SH3GL3: variants seen among roughly 807,000 people sequenced by gnomAD.
SH3GL3 encodes the protein SH3 domain containing GRB2 like 3, endophilin A3, also known as endophilin-A3.
In SH3GL3, 33 loss-of-function variants were observed where a neutral mutation model predicts 47.7. That is an observed-to-expected ratio of 0.69 (90% confidence interval 0.52 to 0.92). SH3GL3 has a LOEUF of 0.92. Ranked by LOEUF, SH3GL3 falls within the 40% of genes least tolerant of loss-of-function variation. SH3GL3 has a pLI of 0.00. For missense variants in SH3GL3, 363 were observed against 417.8 expected (o/e 0.87, Z 1.14); for synonymous variants, 155 against 148.8 (o/e 1.04, Z -0.30).
At chr15:83,499,772 C>T (rs920373903) in intron 1 of SH3GL3, among the ~76,000 whole-genome samples, 2 of 151,804 alleles carry the variant, frequency 1.3e-5, no homozygotes, top group African/African-American at 2.4e-5. Flanking sequence ...GTCACTGCAA[C>T]CTGAGTAAAG....
chr15:83,555,458 C>A (rs2044899362), intron 1 of SH3GL3, among the ~76,000 whole-genome samples: 1 of 152,040 alleles, frequency 6.6e-6, no homozygotes, highest in African/African-American at 2.4e-5. Context: ...TTAATTCCAA[C>A]TTCTTGTGCT....
At chr15:83,526,316 G>T (rs1174955693) in intron 1 of SH3GL3, among the ~76,000 whole-genome samples, 3 of 152,134 alleles carry the variant, frequency 2.0e-5, no homozygotes, top group African/African-American at 4.8e-5. Context: ...CATTACTGGG[G>T]TATATCCAGA....
chr15:83,601,253 G>A (rs989734417), intron 8 of SH3GL3, among the ~76,000 whole-genome samples: 1 of 152,222 alleles, frequency 6.6e-6, no homozygotes, highest in Non-Finnish European at 1.5e-5. Flanking sequence ...AGTGGTGAGA[G>A]TGGGCATCCT....
intron 1 of SH3GL3, among the ~76,000 whole-genome samples, chr15:83,529,554 A>G (rs2043573979): frequency 6.6e-6 from 1 of 152,024 alleles, no homozygotes; most frequent in Non-Finnish European, 1.5e-5. Flanking sequence ...GTACTCAGGC[A>G]CTCAAGTCAG....
intron 5 of SH3GL3, 36 bp from the exon 6 acceptor site, chr15:83,576,547 A>G (rs1228630712): frequency 7.1e-6 from 11 of 1,552,910 alleles, no homozygotes; most frequent in African/African-American, 1.4e-5. Flanking sequence ...TTTTGAATGT[A>G]GCACCTCTCT....
chr15:83,511,150 A>G (rs889084716), intron 1 of SH3GL3, among the ~76,000 whole-genome samples: 1 of 101,540 alleles, frequency 9.8e-6, no homozygotes, highest in African/African-American at 3.0e-5. Context: ...ATAATAATAA[A>G]AAAAAGAAAG....
intron 4 of SH3GL3, among the ~76,000 whole-genome samples, chr15:83,571,289 C>T (rs571633850): frequency 3.9e-5 from 6 of 152,074 alleles, no homozygotes; most frequent in Admixed American, 1.3e-4. Context: ...TCTGTCAAGG[C>T]GAAATGAGCT....
chr15:83,624,339 C>T, the SH3GL3 span, among the ~76,000 whole-genome samples: 2 of 152,288 alleles, frequency 1.3e-5, no homozygotes, highest in Admixed American at 1.3e-4. Context: ...GCAGGGCTAG[C>T]TACAGATCTG....
At chr15:83,574,523 A>G (rs2059623622) in intron 5 of SH3GL3, among the ~76,000 whole-genome samples, 1 of 151,796 alleles carries the variant, frequency 6.6e-6, no homozygotes, top group African/African-American at 2.4e-5. Context: ...TCCTGTTAAC[A>G]TTTACACACA....
chr15:83,559,561 A>G (rs1386667948), intron 2 of SH3GL3, among the ~76,000 whole-genome samples: 3 of 152,224 alleles, frequency 2.0e-5, no homozygotes, highest in Non-Finnish European at 2.9e-5. Flanking sequence ...GGTACCCTCT[A>G]GTGGCCAGAA....
intron 1 of SH3GL3, among the ~76,000 whole-genome samples, chr15:83,512,946 C>G (rs1438699097): frequency 6.6e-6 from 1 of 152,186 alleles, no homozygotes; most frequent in Non-Finnish European, 1.5e-5. Flanking sequence ...AACTTTAGAG[C>G]CATTTGAAAA....
At chr15:83,513,555 A>G (rs2042860435) in intron 1 of SH3GL3, among the ~76,000 whole-genome samples, 2 of 152,146 alleles carry the variant, frequency 1.3e-5, no homozygotes, top group African/African-American at 4.8e-5. Flanking sequence ...GCTTCAAGGC[A>G]TCATCCCTGC....
At chr15:83,617,051 T>A (rs1451138295) in intron 8 of SH3GL3, among the ~76,000 whole-genome samples, 2 of 152,244 alleles carry the variant, frequency 1.3e-5, no homozygotes, top group Non-Finnish European at 2.9e-5. Context: ...ATCTGGAATC[T>A]GAAAGCTAGC....
At chr15:83,512,959 A>G (rs2042829043) in intron 1 of SH3GL3, among the ~76,000 whole-genome samples, 1 of 152,214 alleles carries the variant, frequency 6.6e-6, no homozygotes, top group Admixed American at 6.5e-5. Context: ...TTTGAAAATA[A>G]TCTTTTGGAA....
chr15:83,575,004 T>G (rs771454506), intron 5 of SH3GL3, among the ~76,000 whole-genome samples: 2 of 152,246 alleles, frequency 1.3e-5, no homozygotes, highest in Non-Finnish European at 2.9e-5. Context: ...GTTTGTTCCT[T>G]GTAGTCACAA....
At chr15:83,504,571 C>G (rs2042418237) in intron 1 of SH3GL3, among the ~76,000 whole-genome samples, 1 of 152,250 alleles carries the variant, frequency 6.6e-6, no homozygotes, top group Non-Finnish European at 1.5e-5. Flanking sequence ...GACACTCAGG[C>G]AGCCCTGTGG....
chr15:83,552,227 T>A (rs1015069229), intron 1 of SH3GL3, among the ~76,000 whole-genome samples: 2 of 152,228 alleles, frequency 1.3e-5, no homozygotes, highest in Non-Finnish European at 2.9e-5. Flanking sequence ...AGAAATTAGA[T>A]TGAATGACGT....
chr15:83,478,201 G>A (rs886240609), intron 1 of SH3GL3, among the ~76,000 whole-genome samples: 4 of 152,176 alleles, frequency 2.6e-5, no homozygotes, highest in African/African-American at 9.7e-5. Context: ...ACCTACGGGA[G>A]GGCAACTGTT....
At chr15:83,506,287 T>C (rs1480202038) in intron 1 of SH3GL3, among the ~76,000 whole-genome samples, 3 of 152,248 alleles carry the variant, frequency 2.0e-5, no homozygotes, top group Admixed American at 1.3e-4. Flanking sequence ...ACATTTTTTT[T>C]CCCTGAATGT....
Sources: gnomAD v4.1 joint callset for allele counts (sites outside exome capture counted in the v4.1 genomes callset) on GRCh38, gnomAD v4.1.1 for gene constraint, MANE v1.5 for transcripts, NCBI Gene and HGNC (gene_info 2026-07-23, HGNC 2026-07-21) for gene names.